Variants in TNPO1 observed in about 807,000 individuals in gnomAD.
TNPO1 encodes the protein transportin-1.
In TNPO1, 8 loss-of-function variants were observed where a neutral mutation model predicts 119.5. The ratio of observed to expected loss-of-function variants is 0.07; its 90% confidence interval spans 0.04 to 0.12. The LOEUF (loss-of-function observed/expected upper bound fraction) is 0.12. TNPO1 is among the 10% of genes least tolerant of loss of function. The probability of loss-of-function intolerance (pLI) is 1.00; values close to 1 mark genes in which losing one functional copy is unlikely to be tolerated. For missense variants in TNPO1, 576 were observed against 1,089.8 expected, an observed-to-expected ratio of 0.53 and a Z score of 6.64; for synonymous variants, 362 against 363.0, an observed-to-expected ratio of 1.00 and a Z score of 0.03.
chr5:72,882,171 C>G (rs1748292955), intron 9 of TNPO1, among the ~76,000 whole-genome samples: 1 of 152,100 alleles, frequency 6.6e-6, no homozygotes, highest in Admixed American at 6.5e-5. Context: ...TATGCTAGCT[C>G]TAATGTTTAA....
At chr5:72,867,181 A>T (rs1380543297) in intron 6 of TNPO1, among the ~76,000 whole-genome samples, 1 of 150,648 alleles carries the variant, frequency 6.6e-6, no homozygotes, top group Non-Finnish European at 1.5e-5. Context: ...AAAAAAAAAA[A>T]TTCCTTTCCA....
At chr5:72,872,757 CT>C (rs370030218) in intron 7 of TNPO1, 37 bp downstream of exon 7, 36,288 of 1,107,098 alleles carry the variant, frequency 0.033, 5 homozygotes, top group South Asian at 0.051. Context: ...AACCCCCCAG[CT>C]TTTTTTTTTT....
chr5:72,843,274 T>G (rs1030625063), intron 1 of TNPO1, among the ~76,000 whole-genome samples: 1 of 151,894 alleles, frequency 6.6e-6, no homozygotes, highest in African/African-American at 2.4e-5. Context: ...TTTTGCAGAG[T>G]TTTAATATAT....
At chr5:72,871,216 A>G (rs2112361421) in intron 6 of TNPO1, among the ~76,000 whole-genome samples, 1 of 152,212 alleles carries the variant, frequency 6.6e-6, no homozygotes, top group Admixed American at 6.5e-5. Context: ...ACCTCAAGTG[A>G]TCCGCCCGCC....
chr5:72,898,812 A>G (rs1186763721), intron 20 of TNPO1, among the ~76,000 whole-genome samples: 1 of 152,176 alleles, frequency 6.6e-6, no homozygotes, highest in Non-Finnish European at 1.5e-5. Flanking sequence ...CTCTTGCTTC[A>G]TATGAATCTG....
chr5:72,851,828 GT>G (rs1745599768), intron 3 of TNPO1, among the ~76,000 whole-genome samples: 1 of 152,118 alleles, frequency 6.6e-6, no homozygotes, highest in African/African-American at 2.4e-5. Flanking sequence ...TGTATAATAA[GT>G]TACTTAATTC....
At chr5:72,824,689 ATTGT>A (rs1444555116) in intron 1 of TNPO1, among the ~76,000 whole-genome samples, 3 of 152,094 alleles carry the variant, frequency 2.0e-5, no homozygotes, top group African/African-American at 4.8e-5. Context: ...CCAAGTCTTA[ATTGT>A]TTGTTTATTT....
At chr5:72,820,005 T>C (rs1330584450) in intron 1 of TNPO1, among the ~76,000 whole-genome samples, 1 of 152,218 alleles carries the variant, frequency 6.6e-6, no homozygotes, top group Non-Finnish European at 1.5e-5. Context: ...CAAATATCAG[T>C]ACTACGTAGT....
At chr5:72,865,778 C>A in intron 6 of TNPO1, 49 bp downstream of exon 6, 1 of 1,542,626 alleles carries the variant, frequency 6.5e-7, no homozygotes, top group Non-Finnish European at 8.8e-7. Flanking sequence ...TAAACCTGAC[C>A]ATTATCTTAG....
intron 6 of TNPO1, among the ~76,000 whole-genome samples, chr5:72,866,477 G>A (rs1167265393): frequency 6.6e-6 from 1 of 152,098 alleles, no homozygotes; most frequent in African/African-American, 2.4e-5. Context: ...AAAACAGCTG[G>A]GCCTGGTGGC....
At chr5:72,889,694 G>A (rs1748911758) in intron 13 of TNPO1, 92 bp from the exon 14 acceptor site, 1 of 1,397,598 alleles carries the variant, frequency 7.2e-7, no homozygotes, top group East Asian at 2.4e-5. Flanking sequence ...GGAAATTCCT[G>A]ATTGGGTAAA....
chr5:72,893,352 CA>C lies in TNPO1; in HGVS notation c.1897-19del, dbSNP rs756155367. ...AAGTAGTTAATTAAAACCAAACTTA[CA>C]AAAAACATTGTGTCTAATTTCAGCT... On this transcript the variant is annotated intron_variant, in intron 16 of 24. Coordinates refer to ENST00000337273, the MANE Select transcript of TNPO1 (RefSeq NM_002270.4). 2.2e-5 allele frequency: 36 copies of C among 1,607,374 alleles called. No individual in the cohort carries two copies. The African/African-American group carries it at 3.9e-4, about 17-fold the overall frequency.
At chr5:72,849,377 T>C (rs1031727392) in intron 2 of TNPO1, among the ~76,000 whole-genome samples, 1 of 152,198 alleles carries the variant, frequency 6.6e-6, no homozygotes, top group Middle Eastern at 3.2e-3. Context: ...GAATAACCTT[T>C]TAACCCCCGT....
intron 4 of TNPO1, among the ~76,000 whole-genome samples, chr5:72,860,904 A>C (rs1013354806): frequency 1.3e-5 from 2 of 151,844 alleles, no homozygotes; most frequent in African/African-American, 4.8e-5. Context: ...TTTTGTATGG[A>C]TAAATTAGAA....
At chr5:72,824,898 C>G (rs1350707539) in intron 1 of TNPO1, among the ~76,000 whole-genome samples, 1 of 152,144 alleles carries the variant, frequency 6.6e-6, no homozygotes, top group Non-Finnish European at 1.5e-5. Context: ...CAAAACTAAA[C>G]TCCTAAACTT....
intron 1 of TNPO1, among the ~76,000 whole-genome samples, chr5:72,841,648 T>C (rs1293436516): frequency 6.6e-6 from 1 of 152,208 alleles, no homozygotes; most frequent in African/African-American, 2.4e-5. Context: ...CTATAGACTT[T>C]CTTAAAGGAC....
chr5:72,913,892 T>C lies in TNPO1; in HGVS notation c.*5219T>C, dbSNP rs1480944124. Reference sequence around the variant, plus strand: ...TAGTTTTACTTAATAGATTATCATCTTGTGAGAAGAGATGTTTAAACGTGG... The same window carrying C: ...TAGTTTTACTTAATAGATTATCATCCTGTGAGAAGAGATGTTTAAACGTGG... On this transcript the variant is annotated 3_prime_UTR_variant, in exon 25 of 25. Coordinates refer to ENST00000337273, the MANE Select transcript of TNPO1 (RefSeq NM_002270.4). The C allele has an allele frequency of 6.6e-6, 1 of 152,586 alleles. No homozygotes were observed. The highest frequency in any genetic ancestry group is 1.5e-5 in the Non-Finnish European group (1 of 67,992). 9.5% of individuals were successfully genotyped at this position (152,586 alleles called of 1,614,324 possible).
chr5:72,871,220 G>T (rs376929734), intron 6 of TNPO1, among the ~76,000 whole-genome samples: 11 of 152,032 alleles, frequency 7.2e-5, no homozygotes, highest in Admixed American at 1.3e-4. Context: ...CAAGTGATCC[G>T]CCCGCCTCGG....
intron 21 of TNPO1, among the ~76,000 whole-genome samples, chr5:72,900,663 AAGTT>A (rs1173187556): frequency 6.6e-6 from 1 of 152,170 alleles, no homozygotes; most frequent in African/African-American, 2.4e-5. Context: ...ACAATTTTAA[AAGTT>A]AATTTGGTAA....
Sources: allele counts gnomAD v4.1 joint callset (sites outside exome capture counted in the v4.1 genomes callset), GRCh38; gene constraint gnomAD v4.1.1; transcripts MANE v1.5; gene names NCBI Gene and HGNC (gene_info 2026-07-23, HGNC 2026-07-21).